The following MTCL2 variants were observed in gnomAD, a reference collection of about 807,000 sequenced individuals.
MTCL2 encodes microtubule crosslinking factor 2, also known as microtubule cross-linking factor 2.
At chr20:36,789,627 T>C in the MTCL2 span, among the ~76,000 whole-genome samples, 2 of 150,644 alleles carry the variant, frequency 1.3e-5, no homozygotes, top group Non-Finnish European at 3.0e-5. Flanking sequence ...ATCACACCAC[T>C]GCATTCCAAC....
the MTCL2 span, chr20:36,815,237 G>C: frequency 6.2e-7 from 1 of 1,614,008 alleles, no homozygotes; most frequent in African/African-American, 1.3e-5. The surrounding 1 kb of genome is among the most constrained non-coding windows in gnomAD (Gnocchi z 5.3). Context: ...CAGAGCACCC[G>C]AGGACTGCAT....
chr20:36,854,806 C>T, the MTCL2 span, among the ~76,000 whole-genome samples: 2 of 152,194 alleles, frequency 1.3e-5, no homozygotes, highest in Non-Finnish European at 2.9e-5. Context: ...TGATTCACCT[C>T]CATTTGAGAA....
At chr20:36,784,110 A>C in the MTCL2 span, 1 of 985,670 alleles carries the variant, frequency 1.0e-6, no homozygotes, top group Non-Finnish European at 1.2e-6. Context: ...TTTCTCCCCG[A>C]GGCTGAGTAC....
At chr20:36,786,225 T>A in the MTCL2 span, 1 of 1,144,384 alleles carries the variant, frequency 8.7e-7, no homozygotes, top group Non-Finnish European at 1.1e-6. Context: ...TCTCAGTGGA[T>A]GCTTGGGAAG....
the MTCL2 span, among the ~76,000 whole-genome samples, chr20:36,809,036 C>T: frequency 1.1e-4 from 17 of 152,314 alleles, no homozygotes; most frequent in Non-Finnish European, 2.2e-4. Context: ...TGCTCATGTT[C>T]AATGAGGAAC....
the MTCL2 span, among the ~76,000 whole-genome samples, chr20:36,838,126 C>T: frequency 6.6e-6 from 1 of 151,994 alleles, no homozygotes. Flanking sequence ...TCTTGGCTCA[C>T]TGCAAGCTCC....
At chr20:36,793,062 G>A in the MTCL2 span, 17 of 656,138 alleles carry the variant, frequency 2.6e-5, no homozygotes, top group African/African-American at 1.5e-4. This position sits in a 1 kb window ranked among gnomAD's most constrained non-coding sequence, Gnocchi z 6.8. Flanking sequence ...ATGCCACCAC[G>A]CCTGGCCAAT....
chr20:36,857,727 T>C, the MTCL2 span, among the ~76,000 whole-genome samples: 767 of 152,208 alleles, frequency 5.0e-3, 13 homozygotes, highest in East Asian at 0.034. Context: ...AGAAGCCTAC[T>C]ACGTGGCCAC....
chr20:36,811,551 A>C, the MTCL2 span, among the ~76,000 whole-genome samples: 2 of 151,482 alleles, frequency 1.3e-5, no homozygotes, highest in African/African-American at 2.4e-5. Context: ...ATTCGCTTGA[A>C]CTCAGGAAAT....
chr20:36,785,715 A>G, the MTCL2 span: 95 of 985,474 alleles, frequency 9.6e-5, 1 homozygote, highest in East Asian at 5.4e-3. Flanking sequence ...TCTGTCCTCA[A>G]GGGGTCTGCT....
the MTCL2 span, among the ~76,000 whole-genome samples, chr20:36,855,918 C>T: frequency 6.6e-6 from 1 of 152,094 alleles, no homozygotes; most frequent in Non-Finnish European, 1.5e-5. Context: ...GCCTGGCTCT[C>T]CTCCCTCCCC....
chr20:36,777,918 AT>A, the MTCL2 span: 1 of 600,038 alleles, frequency 1.7e-6, no homozygotes, highest in Non-Finnish European at 2.9e-6. Context: ...GGAACTGGGG[AT>A]TTAGGATGCT....
At chr20:36,839,244 A>G in the MTCL2 span, 1 of 1,604,926 alleles carries the variant, frequency 6.2e-7, no homozygotes, top group Non-Finnish European at 8.5e-7. The surrounding 1 kb of genome is among the most constrained non-coding windows in gnomAD (Gnocchi z 5.1). Context: ...GACCACGGAT[A>G]AGCTCGCCGT....
chr20:36,813,880 T>C, the MTCL2 span, among the ~76,000 whole-genome samples: 2 of 151,902 alleles, frequency 1.3e-5, no homozygotes, highest in Non-Finnish European at 2.9e-5. Context: ...GCATGCTCAG[T>C]GCAGTCCAGC....
chr20:36,834,731 G>C, the MTCL2 span, among the ~76,000 whole-genome samples: 1 of 152,114 alleles, frequency 6.6e-6, no homozygotes, highest in Non-Finnish European at 1.5e-5. Context: ...ACCAGGCATG[G>C]TGGCTCACAC....
the MTCL2 span, among the ~76,000 whole-genome samples, chr20:36,791,044 T>G: frequency 0.016 from 2,373 of 152,162 alleles, 60 homozygotes; most frequent in African/African-American, 0.051. Context: ...ATATTTTTTT[T>G]TTTGTGTGGA....
chr20:36,851,599 G>A, the MTCL2 span, among the ~76,000 whole-genome samples: 1 of 152,204 alleles, frequency 6.6e-6, no homozygotes, highest in Admixed American at 6.5e-5. Flanking sequence ...TCTGCCTCAA[G>A]TCTCCACTGA....
At chr20:36,789,436 C>A in the MTCL2 span, among the ~76,000 whole-genome samples, 12 of 152,030 alleles carry the variant, frequency 7.9e-5, no homozygotes, top group African/African-American at 2.9e-4. Flanking sequence ...CTGAGGCAGG[C>A]GGATCACTTG....
chr20:36,795,529 C>G, the MTCL2 span, among the ~76,000 whole-genome samples: 28 of 152,214 alleles, frequency 1.8e-4, no homozygotes, highest in Non-Finnish European at 3.5e-4. Flanking sequence ...AGACCCAGCA[C>G]TTTGGGATGC....
Sources: allele counts gnomAD v4.1 joint callset (sites outside exome capture counted in the v4.1 genomes callset), GRCh38; gene constraint gnomAD v4.1.1; non-coding constraint Gnocchi (gnomAD v3.1); transcripts MANE v1.5; gene names NCBI Gene and HGNC (gene_info 2026-07-23, HGNC 2026-07-21).